SCN10A: variants seen among roughly 807,000 people sequenced by gnomAD.
The protein encoded by SCN10A is sodium channel protein type 10 subunit alpha.
Under a neutral mutation model 170.7 loss-of-function variants are expected in SCN10A, and 162 were observed. The ratio of observed to expected loss-of-function variants is 0.95; its 90% CI spans 0.84 to 1.08. The LOEUF (loss-of-function observed/expected upper bound fraction) is 1.08, where lower values mean the gene tolerates loss of function less well. Ranked by LOEUF, SCN10A falls within the 50% of genes least tolerant of loss-of-function variation. The pLI, the probability that SCN10A is intolerant of heterozygous loss-of-function variation, is 0.00. For missense variants in SCN10A, 2,527 were observed against 2,436.9 expected (o/e 1.04, Z -0.78); for synonymous variants, 985 against 904.6 (o/e 1.09, Z -1.59).
chr3:38,751,807 T>A (rs1204362194), intron 12 of SCN10A, among the ~76,000 whole-genome samples: 1 of 152,224 alleles, frequency 6.6e-6, no homozygotes, highest in Non-Finnish European at 1.5e-5. Context: ...ACTTCCTGAA[T>A]TTCTCTGGGT....
At chr3:38,738,767 G>A (rs995074111) in intron 15 of SCN10A, among the ~76,000 whole-genome samples, 2 of 152,150 alleles carry the variant, frequency 1.3e-5, no homozygotes, top group Non-Finnish European at 2.9e-5. Flanking sequence ...CGACACTCCT[G>A]GGAATCTGAC....
intron 1 of SCN10A, among the ~76,000 whole-genome samples, chr3:38,808,017 C>G (rs557022377): frequency 2.4e-4 from 36 of 152,142 alleles, no homozygotes; most frequent in Non-Finnish European, 4.3e-4. Flanking sequence ...TCTGATGATA[C>G]CTTTCAAAGG....
rs765419083 is a variant in SCN10A, at chr3:38,725,221, G to C, written c.3181C>G (p.Leu1061Val). Residue 1061 changes from leucine (L) to valine (V), a missense_variant, in exon 18 of 28, where the codon CTG becomes GTG. Coordinates refer to ENST00000449082, the MANE Select transcript of SCN10A (RefSeq NM_006514.4). ...GTSSEDLAPS[L>V]GETWKDESVP... ...GACTCATCTTTCCACGTCTCACCCA[G>C]GGATGGAGCCAGGTCCTCAGAAGAT... 2.5e-6 allele frequency: 4 copies of C among 1,606,754 alleles called. No individual in the cohort carries two copies. Among genetic ancestry groups the C allele is most frequent in the East Asian group, 4.5e-5 (2 of 44,760 alleles).
In SCN10A at chr3:38,754,949, A is replaced by G. The variant is rs551940292; in HGVS notation, c.1461+839T>C. Among the ~76,000 whole-genome samples, 201 of 152,240 alleles carry G rather than the reference A, an allele frequency of 1.3e-3. 1 individual carries two copies. Among genetic ancestry groups the G allele is most frequent in the Middle Eastern group, 6.8e-3 (2 of 294 alleles). On this transcript the variant is annotated intron_variant, in intron 11 of 27. Coordinates refer to ENST00000449082, the MANE Select transcript of SCN10A (RefSeq NM_006514.4). The stretch of plus-strand genomic sequence containing the variant: ...AGATATTATCTGTCAGACCTATAGA[A>G]AGGGCATATTTGGGGTAAAAGGACT...
chr3:38,699,432 A>G (rs1487867265), intron 27 of SCN10A, among the ~76,000 whole-genome samples: 1 of 152,140 alleles, frequency 6.6e-6, no homozygotes, highest in Non-Finnish European at 1.5e-5. Context: ...AAGATGAGGC[A>G]AGGCCTTTAG....
At chr3:38,746,357 G>C (rs1199307485) in intron 13 of SCN10A, among the ~76,000 whole-genome samples, 1 of 151,736 alleles carries the variant, frequency 6.6e-6, no homozygotes, top group Non-Finnish European at 1.5e-5. Flanking sequence ...ATGCCCCTTA[G>C]ATAGCTCTCA....
chr3:38,761,424 A>T (rs2063870280), intron 6 of SCN10A, 41 bp from the exon 7 acceptor site: 1 of 1,550,136 alleles, frequency 6.5e-7, no homozygotes, highest in East Asian at 2.3e-5. Context: ...TGGATGAGGT[A>T]GCACACACGG....
intron 4 of SCN10A, among the ~76,000 whole-genome samples, chr3:38,785,809 T>C (rs2126054034): frequency 6.6e-6 from 1 of 152,226 alleles, no homozygotes; most frequent in East Asian, 1.9e-4. Flanking sequence ...CATCAAAAAG[T>C]GGGCAAAGGA....
At position 38,723,538 on chromosome 3, in the gene SCN10A, T is replaced by A. The variant is rs778204738; in HGVS notation, c.3244A>T (p.Ser1082Cys). The A allele has an allele frequency of 6.2e-7, 1 of 1,600,192 alleles. No homozygotes were observed. Among genetic ancestry groups the A allele is most frequent in the Non-Finnish European group, 8.5e-7 (1 of 1,172,668 alleles). ...QVPAEGVDDT[S>C]SSEGSTVDCL... ...TCCACCGTGCTGCCCTCAGAGGAGC[T>A]TGTGTCGTCCACTCCCTGCAGGGGA... The change falls in exon 19 of 28, where the codon AGC becomes TGC. Residue 1082 changes from serine to cysteine, a missense_variant. Ser to Cys is a moderately radical substitution (Grantham distance 112). Transcript: ENST00000449082.
chr3:38,726,470 A>G (rs59858965), intron 17 of SCN10A, 136 bp downstream of exon 17: 3 of 646,418 alleles, frequency 4.6e-6, no homozygotes, highest in Non-Finnish European at 7.4e-6. Flanking sequence ...TCAAACGCCA[A>G]CTCCTCTGGA....
chr3:38,731,104 T>C (rs2063509389), intron 15 of SCN10A, among the ~76,000 whole-genome samples: 1 of 152,232 alleles, frequency 6.6e-6, no homozygotes, highest in Admixed American at 6.5e-5. Context: ...GGATAGAAGA[T>C]TTAAAAAGCA....
chr3:38,724,516 C>A (rs761349593), intron 18 of SCN10A, among the ~76,000 whole-genome samples: 6 of 152,188 alleles, frequency 3.9e-5, no homozygotes, highest in Admixed American at 2.6e-4. Context: ...AACCTCTAAT[C>A]TTCCAGCTCA....
At chr3:38,705,306 G>C (rs2063198960) in intron 26 of SCN10A, among the ~76,000 whole-genome samples, 1 of 152,224 alleles carries the variant, frequency 6.6e-6, no homozygotes, top group African/African-American at 2.4e-5. Context: ...CTAGCAAAAG[G>C]TTGAGAGTGA....
chr3:38,703,843 G>A (rs2063182477), intron 26 of SCN10A, among the ~76,000 whole-genome samples: 1 of 152,174 alleles, frequency 6.6e-6, no homozygotes, highest in South Asian at 2.1e-4. Context: ...TCACTGGACT[G>A]TAAACTGTAA....
chr3:38,755,780 C>T lies in SCN10A; in HGVS notation c.1461+8G>A, dbSNP rs779771044. On this transcript the variant is annotated splice_region_variant and intron_variant, in intron 11 of 27. Coordinates refer to ENST00000449082, the MANE Select transcript of SCN10A (RefSeq NM_006514.4). ...GTAATCTTTAGAGCACAAACCTGAG[C>T]CTCTTACCATCCTGCGCTGGTTGTA... The T allele has an allele frequency of 1.9e-6, 3 of 1,613,138 alleles. No homozygotes were observed. Among genetic ancestry groups the T allele is most frequent in the Non-Finnish European group, 2.5e-6 (3 of 1,179,970 alleles).
At chr3:38,699,101 G>T (rs1179492060) in intron 27 of SCN10A, among the ~76,000 whole-genome samples, 1 of 151,992 alleles carries the variant, frequency 6.6e-6, no homozygotes, top group East Asian at 1.9e-4. Flanking sequence ...ACGGAGCCTG[G>T]TGTTAATTAC....
rs2063306554 is a variant in SCN10A, at chr3:38,714,100, G to T, written c.3682-20C>A. 1 of 1,613,284 alleles carries T rather than the reference G, an allele frequency of 6.2e-7. No individual in the cohort carries two copies. Among genetic ancestry groups the T allele is most frequent in the African/African-American group, 1.3e-5 (1 of 74,920 alleles). ...TGAGATCTGAGTGCAGGAGAGGGCA[G>T]AAACATCACTCTAGGTTTCCAGAAA... On this transcript the variant is annotated intron_variant, in intron 21 of 27. Transcript: ENST00000449082.
intron 4 of SCN10A, among the ~76,000 whole-genome samples, chr3:38,777,114 A>G (rs1172204647): frequency 6.6e-6 from 1 of 152,030 alleles, no homozygotes; most frequent in Non-Finnish European, 1.5e-5. Flanking sequence ...CAAAATAAAT[A>G]TGCTCACTGT....
chr3:38,708,597 G>A (rs2063236422), intron 25 of SCN10A, among the ~76,000 whole-genome samples: 1 of 152,166 alleles, frequency 6.6e-6, no homozygotes, highest in Non-Finnish European at 1.5e-5. Context: ...GGCGCTGCCA[G>A]TCACACTCCC....
Sources: gnomAD v4.1 joint callset for allele counts (sites outside exome capture counted in the v4.1 genomes callset) on GRCh38, gnomAD v4.1.1 for gene constraint, MANE v1.5 for transcripts, NCBI Gene and HGNC (gene_info 2026-07-23, HGNC 2026-07-21) for gene names.